Variants in ACER2 observed in about 807,000 individuals in gnomAD.
ACER2 encodes alkCDase 2.
In ACER2, 26 loss-of-function variants were observed where a neutral mutation model predicts 34.7. The observed-to-expected ratio is 0.75, with a 90% CI of 0.55 to 1.04. ACER2 has a LOEUF of 1.04. Among genes scored for constraint, ACER2 ranks in the 50% least tolerant of loss-of-function variants. The pLI is 0.00. For synonymous variants in ACER2, 138 were observed against 132.1 expected, an observed-to-expected ratio of 1.04 and a Z score of -0.31; for missense variants, 352 against 340.8, an observed-to-expected ratio of 1.03 and a Z score of -0.26.
At chr9:19,414,324 C>T (rs1384841517) in intron 1 of ACER2, among the ~76,000 whole-genome samples, 1 of 152,170 alleles carries the variant, frequency 6.6e-6, no homozygotes, top group African/African-American at 2.4e-5. Context: ...AACCTGCTGT[C>T]CAGAATATGT....
chr9:19,450,701 A>G lies in ACER2; in HGVS notation c.*65A>G. On this transcript the variant is annotated 3_prime_UTR_variant, in exon 6 of 6. Coordinates refer to ENST00000340967, the MANE Select transcript of ACER2 (RefSeq NM_001010887.3). Reference sequence around the variant, plus strand: ...ATGCAGTGGGCTTCCTTTGCTAGGAAGACAGCCAAGGGAGTTCGAATAGTT... The same window carrying G: ...ATGCAGTGGGCTTCCTTTGCTAGGAGGACAGCCAAGGGAGTTCGAATAGTT... 6.9e-7 allele frequency: 1 copy of G among 1,445,870 alleles called. No individual in the cohort carries two copies. The highest frequency in any genetic ancestry group is 2.0e-5 in the Admixed American group (1 of 51,178). The allele number at this position is 1,445,870 out of a possible 1,614,324, so 89.6% of individuals were successfully genotyped here. A position where few individuals can be genotyped will look rare whatever the true frequency, so the allele number is the denominator to read the frequency against.
chr9:19,446,780 G>A (rs1563893017), intron 5 of ACER2: 2 of 414,112 alleles, frequency 4.8e-6, no homozygotes, highest in Non-Finnish European at 6.5e-6. Context: ...AAGAGGTGAT[G>A]TGAGGGCTGG....
In ACER2 at chr9:19,452,270, C is replaced by T. The variant is rs1297482610; in HGVS notation, c.*1634C>T. Among the ~76,000 whole-genome samples, 1 of 152,110 alleles carries T rather than the reference C, an allele frequency of 6.6e-6. No individual in the cohort carries two copies. Among genetic ancestry groups the T allele is most frequent in the African/African-American group, 2.4e-5 (1 of 41,388 alleles). ...ACATATGTAAGAGTTGGGAAGGTGA[C>T]GATTTTTGACACATCCAGGAACTCT... is the stretch of plus-strand genomic sequence containing the variant. On this transcript the variant is annotated 3_prime_UTR_variant, in exon 6 of 6. Coordinates refer to ENST00000340967, the MANE Select transcript of ACER2 (RefSeq NM_001010887.3).
intron 5 of ACER2, among the ~76,000 whole-genome samples, chr9:19,449,284 A>G (rs1831480971): frequency 6.6e-6 from 1 of 152,210 alleles, no homozygotes. Flanking sequence ...TATAGGCAAC[A>G]CCCAGATTCC....
rs1178278257 is a variant in ACER2 at position 19,452,118 on chromosome 9, TG to T, written c.*1484del. 2.0e-5 allele frequency: 3 copies of T among 152,612 alleles called. No homozygotes were observed. In the East Asian group the frequency reaches 5.8e-4, roughly 29 times the overall value. 9.5% of individuals were successfully genotyped at this position (152,612 alleles called of 1,614,324 possible). On this transcript the variant is annotated 3_prime_UTR_variant, in exon 6 of 6. Coordinates refer to ENST00000340967, the MANE Select transcript of ACER2 (RefSeq NM_001010887.3). Reference sequence around the variant, plus strand: ...ATTCAAGAACCATCTTCAAGGTGCATGGTGGGAATTATCAACCTCAGGGATA... The same window carrying T: ...ATTCAAGAACCATCTTCAAGGTGCATGTGGGAATTATCAACCTCAGGGATA...
At chr9:19,414,534 G>C (rs901306545) in intron 1 of ACER2, among the ~76,000 whole-genome samples, 1 of 152,132 alleles carries the variant, frequency 6.6e-6, no homozygotes, top group Non-Finnish European at 1.5e-5. Flanking sequence ...TCTAATCCTA[G>C]TACTTTAGGA....
rs1831552681 is a variant in ACER2 at position 19,450,999 on chromosome 9, A to G, written c.*363A>G. 1 of 162,322 alleles carries G rather than the reference A, an allele frequency of 6.2e-6. No homozygotes were observed. Among genetic ancestry groups the G allele is most frequent in the East Asian group, 1.7e-4 (1 of 5,838 alleles). 10.1% of individuals were successfully genotyped at this position (162,322 alleles called of 1,614,324 possible). On this transcript the variant is annotated 3_prime_UTR_variant, in exon 6 of 6. Coordinates refer to ENST00000340967, the MANE Select transcript of ACER2 (RefSeq NM_001010887.3). ...CTCCTCCCTAATGTGTCTGTGGACCACCTGGATTCCACTGTACAAGGGGAA... is the reference window on the plus strand; with the variant it reads ...CTCCTCCCTAATGTGTCTGTGGACCGCCTGGATTCCACTGTACAAGGGGAA...
In ACER2 at chr9:19,424,398, A is replaced by G. The variant is rs79812658; in HGVS notation, c.224-302A>G. On this transcript the variant is annotated intron_variant, in intron 2 of 5. Coordinates refer to ENST00000340967, the MANE Select transcript of ACER2 (RefSeq NM_001010887.3). ...CCTGGGAATTCTTAACAGTGAAGGA[A>G]TGTTGACTTTTATTTACTGCCTCTT... 1.9e-3 allele frequency: 1,897 copies of G among 985,402 alleles called. 21 individuals are homozygous for G. In the African/African-American group the frequency reaches 0.031, roughly 16 times the overall value. The allele number at this position is 985,402 out of a possible 1,614,324, so 61.0% of individuals were successfully genotyped here.
Position 19,446,388 on chromosome 9 carries a change from C to T in ACER2, c.611C>T (p.Ser204Phe). 1 of 1,614,156 alleles carries T rather than the reference C, an allele frequency of 6.2e-7. No homozygotes were observed. Among genetic ancestry groups the T allele is most frequent in the Non-Finnish European group, 8.5e-7 (1 of 1,180,030 alleles). Residue 204 changes from serine (S) to phenylalanine (F), a missense_variant, in exon 5 of 6, where the codon TCC (serine) becomes TTC (phenylalanine). Transcript: ENST00000340967. ...SDRAFCELLS[S>F]FNFPYLHCMW... ...CGAGCTTTCTGCGAGCTGCTGTCATCCTTCAACTTCCCCTACCTGCACTGC... is the reference window on the plus strand; with the variant it reads ...CGAGCTTTCTGCGAGCTGCTGTCATTCTTCAACTTCCCCTACCTGCACTGC...
intron 1 of ACER2, among the ~76,000 whole-genome samples, chr9:19,420,795 C>T (rs546247290): frequency 6.6e-6 from 1 of 152,260 alleles, no homozygotes; most frequent in Admixed American, 6.5e-5. Flanking sequence ...CAAGGGCTCC[C>T]TGCTTCAAAG....
intron 3 of ACER2, among the ~76,000 whole-genome samples, chr9:19,427,067 G>T (rs754086350): frequency 2.0e-5 from 3 of 152,108 alleles, no homozygotes; most frequent in Non-Finnish European, 4.4e-5. Context: ...AAGCAATCTG[G>T]GTTTGAATCC....
intron 1 of ACER2, among the ~76,000 whole-genome samples, chr9:19,415,708 T>C (rs933125747): frequency 3.9e-5 from 6 of 152,062 alleles, no homozygotes; most frequent in African/African-American, 1.4e-4. Flanking sequence ...GAGTAGATAG[T>C]TGCACTTAGC....
intron 2 of ACER2, 25 bp downstream of exon 2, chr9:19,424,001 G>A (rs377209865): frequency 1.5e-5 from 23 of 1,524,888 alleles, no homozygotes; most frequent in African/African-American, 1.2e-4. Context: ...TTGGGAACAC[G>A]GACTTAATGG....
intron 1 of ACER2, among the ~76,000 whole-genome samples, chr9:19,418,145 A>G (rs1225786193): frequency 6.6e-6 from 1 of 152,250 alleles, no homozygotes; most frequent in Non-Finnish European, 1.5e-5. Flanking sequence ...AACCACAATG[A>G]GATACCATCT....
intron 1 of ACER2, among the ~76,000 whole-genome samples, chr9:19,419,003 A>G (rs1830323786): frequency 6.6e-6 from 1 of 152,104 alleles, no homozygotes; most frequent in African/African-American, 2.4e-5. Context: ...CCTGACCAAC[A>G]TGGTGAAACC....
At chr9:19,450,065 A>C (rs957724596) in intron 5 of ACER2, among the ~76,000 whole-genome samples, 2 of 152,220 alleles carry the variant, frequency 1.3e-5, no homozygotes, top group African/African-American at 4.8e-5. Context: ...AAGGACATAA[A>C]ATATCTGTAA....
chr9:19,409,014 G>T lies in ACER2; in HGVS notation c.-71G>T. 1 of 1,363,090 alleles carries T rather than the reference G, an allele frequency of 7.3e-7. No individual in the cohort carries two copies. Among genetic ancestry groups the T allele is most frequent in the Non-Finnish European group, 9.7e-7 (1 of 1,028,252 alleles). 84.4% of individuals were successfully genotyped at this position (1,363,090 alleles called of 1,614,324 possible). A position where few individuals can be genotyped will look rare whatever the true frequency, so the allele number is the denominator to read the frequency against. On this transcript the variant is annotated 5_prime_UTR_variant, in exon 1 of 6. Coordinates refer to ENST00000340967, the MANE Select transcript of ACER2 (RefSeq NM_001010887.3). Reference sequence around the variant, plus strand: ...CGCTTTCGCCGCTGGCTGTCGCCGCGTTTTGCCTCCGCAGCAGCTCTGGGC... The same window carrying T: ...CGCTTTCGCCGCTGGCTGTCGCCGCTTTTTGCCTCCGCAGCAGCTCTGGGC...
chr9:19,424,668 G>A (rs766713361), intron 2 of ACER2, 32 bp from the exon 3 acceptor site: 10 of 1,611,634 alleles, frequency 6.2e-6, no homozygotes, highest in Non-Finnish European at 8.5e-6. Context: ...CTTCTGTGGT[G>A]ACCTTTTTTT....
At chr9:19,438,861 T>G (rs1315711278) in intron 4 of ACER2, among the ~76,000 whole-genome samples, 1 of 151,574 alleles carries the variant, frequency 6.6e-6, no homozygotes, top group Non-Finnish European at 1.5e-5. Flanking sequence ...TCATAGCTCA[T>G]TGCATCTTCG....
Sources: gnomAD v4.1 joint callset for allele counts (sites outside exome capture counted in the v4.1 genomes callset) on GRCh38, gnomAD v4.1.1 for gene constraint, MANE v1.5 for transcripts, NCBI Gene and HGNC (gene_info 2026-07-23, HGNC 2026-07-21) for gene names.